Variants in PEX5L observed in about 807,000 individuals in gnomAD.
PEX5L encodes PEX5-related protein.
PEX5L carries 30 observed loss-of-function variants against 84.0 expected under a neutral mutation model. The ratio of observed to expected loss-of-function variants is 0.36; its 90% CI spans 0.27 to 0.48. PEX5L has a LOEUF of 0.48. Among genes scored for constraint, PEX5L ranks in the 20% least tolerant of loss-of-function variants. The pLI, the probability that PEX5L is intolerant of heterozygous loss-of-function variation, is 0.99. For missense variants in PEX5L, 533 were observed against 754.6 expected, an observed-to-expected ratio of 0.71 and a Z score of 3.44; for synonymous variants, 270 against 283.1, an observed-to-expected ratio of 0.95 and a Z score of 0.46.
intron 4 of PEX5L, among the ~76,000 whole-genome samples, chr3:179,880,705 T>C (rs184435257): frequency 1.3e-5 from 2 of 152,378 alleles, no homozygotes; most frequent in Non-Finnish European, 2.9e-5. Flanking sequence ...CTGTTTAGTA[T>C]GCAAATTTGA....
rs1034995851 is a variant in PEX5L, at chr3:179,821,227, C to G, written c.823-1251G>C. On this transcript the variant is annotated intron_variant, in intron 8 of 14. Coordinates refer to ENST00000467460, the MANE Select transcript of PEX5L (RefSeq NM_016559.3). ...CCTGCTAAGAGAGACACTTGGAAAC[C>G]ACTTTATTTTCTTTAAACAAACAAA... Among the ~76,000 whole-genome samples the G allele has an allele frequency of 2.0e-5, 3 of 152,184 alleles. No homozygotes were observed. In the East Asian group the frequency reaches 5.8e-4, roughly 29 times the overall value.
chr3:179,970,781 C>T (rs1024128584), intron 2 of PEX5L, among the ~76,000 whole-genome samples: 1 of 152,120 alleles, frequency 6.6e-6, no homozygotes, highest in South Asian at 2.1e-4. Flanking sequence ...TTACTGACTG[C>T]TTTCTCTCTA....
intron 2 of PEX5L, among the ~76,000 whole-genome samples, chr3:179,916,414 A>G (rs993750965): frequency 6.6e-6 from 1 of 152,184 alleles, no homozygotes; most frequent in African/African-American, 2.4e-5. Flanking sequence ...TGTAGAGTAA[A>G]AATATAATAT....
intron 8 of PEX5L, among the ~76,000 whole-genome samples, chr3:179,834,290 C>A (rs985525506): frequency 2.6e-5 from 4 of 152,240 alleles, no homozygotes; most frequent in African/African-American, 7.2e-5. Flanking sequence ...CCGCCTGGAG[C>A]CATCTTGAAT....
intron 2 of PEX5L, among the ~76,000 whole-genome samples, chr3:179,959,393 T>C (rs1444419578): frequency 3.3e-5 from 5 of 152,198 alleles, no homozygotes; most frequent in Admixed American, 1.3e-4. Flanking sequence ...GCACGGGCAC[T>C]GTAACTGTCT....
At position 179,807,942 on chromosome 3, in the gene PEX5L, A is replaced by T. The variant is rs183463975; in HGVS notation, c.1519-111T>A. On this transcript the variant is annotated intron_variant, in intron 13 of 14. Coordinates refer to ENST00000467460, the MANE Select transcript of PEX5L (RefSeq NM_016559.3). ...ATGGCTAAAAATTTATGCAGTGCTCATGGATGGAGACCATGGCCAGGTGAA... is the reference window on the plus strand; with the variant it reads ...ATGGCTAAAAATTTATGCAGTGCTCTTGGATGGAGACCATGGCCAGGTGAA... 1.2e-5 allele frequency: 11 copies of T among 953,356 alleles called. No homozygotes were observed. The East Asian group carries it at 1.7e-4, about 15-fold the overall frequency. The allele number at this position is 953,356 out of a possible 1,614,324, so 59.1% of individuals were successfully genotyped here.
chr3:179,812,504 T>A (rs1724278470), intron 10 of PEX5L, among the ~76,000 whole-genome samples: 1 of 152,176 alleles, frequency 6.6e-6, no homozygotes, highest in South Asian at 2.1e-4. Context: ...TTTTACAAAA[T>A]CCTTGTAATT....
chr3:179,923,600 C>T (rs1002227923), intron 2 of PEX5L, among the ~76,000 whole-genome samples: 10 of 152,182 alleles, frequency 6.6e-5, no homozygotes, highest in African/African-American at 2.4e-4. Context: ...TGCATGCTAA[C>T]GTTTGAAAAT....
At chr3:179,971,727 C>A in intron 1 of PEX5L, 62 bp from the exon 2 acceptor site, 1 of 1,420,634 alleles carries the variant, frequency 7.0e-7, no homozygotes, top group Non-Finnish European at 9.4e-7. Context: ...CTTAATTCTA[C>A]TTAATATTTT....
At chr3:179,965,019 C>T (rs933826001) in intron 2 of PEX5L, among the ~76,000 whole-genome samples, 3 of 152,228 alleles carry the variant, frequency 2.0e-5, no homozygotes, top group East Asian at 3.8e-4. Context: ...AGATTTGTGA[C>T]TGTAAAGACC....
chr3:179,909,441 T>C (rs1280028806), intron 2 of PEX5L, among the ~76,000 whole-genome samples: 1 of 152,194 alleles, frequency 6.6e-6, no homozygotes, highest in African/African-American at 2.4e-5. Flanking sequence ...CAAGTTGAGA[T>C]GACTTAAGTC....
At chr3:179,904,946 G>C (rs1299418483) in intron 2 of PEX5L, among the ~76,000 whole-genome samples, 4 of 152,096 alleles carry the variant, frequency 2.6e-5, no homozygotes, top group African/African-American at 9.7e-5. Flanking sequence ...GGCTCTTCCT[G>C]CCCTAATAGC....
chr3:180,019,613 G>A (rs1790252846), intron 1 of PEX5L, among the ~76,000 whole-genome samples: 1 of 152,072 alleles, frequency 6.6e-6, no homozygotes, highest in Non-Finnish European at 1.5e-5. Context: ...TATACCAAAG[G>A]CAATTCACAA....
At chr3:179,816,076 A>C in intron 9 of PEX5L, 72 bp from the exon 10 acceptor site, 228 of 1,480,502 alleles carry the variant, frequency 1.5e-4, no homozygotes, top group Non-Finnish European at 1.9e-4. Flanking sequence ...ATAAGTTCTC[A>C]TTAAAAAGTC....
chr3:179,938,816 C>T (rs556153245), intron 2 of PEX5L, among the ~76,000 whole-genome samples: 29 of 152,164 alleles, frequency 1.9e-4, no homozygotes, highest in Admixed American at 4.6e-4. Flanking sequence ...GCTTTAAGAC[C>T]TGCAGCTGCT....
rs893140650 is a variant in PEX5L at position 179,795,391 on chromosome 3, A to G, written c.*6437T>C. On this transcript the variant is annotated 3_prime_UTR_variant, in exon 15 of 15. Coordinates refer to ENST00000467460, the MANE Select transcript of PEX5L (RefSeq NM_016559.3). ...CGCAAATTAGAAGCCAACTGAGTAA[A>G]TTAAACACATCAATATGATAAGAGG... 8.6e-5 allele frequency: 13 copies of G among 150,476 alleles called. No individual in the cohort carries two copies. The highest frequency in any genetic ancestry group is 2.4e-4 in the African/African-American group (10 of 41,114). The allele number at this position is 150,476 out of a possible 1,614,324, so 9.3% of individuals were successfully genotyped here.
At chr3:179,804,431 A>C (rs1259510589) in intron 14 of PEX5L, 2 of 152,240 alleles carry the variant, frequency 1.3e-5, no homozygotes, top group African/African-American at 4.8e-5. Flanking sequence ...GCAGGATGAA[A>C]TTTTCATCCA....
rs1355254000 is a variant in PEX5L at position 179,795,373 on chromosome 3, T to C, written c.*6455A>G. The C allele has an allele frequency of 2.6e-5, 4 of 152,062 alleles. No individual in the cohort carries two copies. The highest frequency in any genetic ancestry group is 5.9e-5 in the Non-Finnish European group (4 of 67,962). The allele number at this position is 152,062 out of a possible 1,614,324, so 9.4% of individuals were successfully genotyped here. A position where few individuals can be genotyped will look rare whatever the true frequency, so the allele number is the denominator to read the frequency against. On this transcript the variant is annotated 3_prime_UTR_variant, in exon 15 of 15. Transcript: ENST00000467460. ...ACTACCTTAATCTTGTTACGCAAATTAGAAGCCAACTGAGTAAATTAAACA... is the reference window on the plus strand; with the variant it reads ...ACTACCTTAATCTTGTTACGCAAATCAGAAGCCAACTGAGTAAATTAAACA...
At position 179,875,464 on chromosome 3, in the gene PEX5L, T is replaced by C; in HGVS notation, c.519A>G (p.Gln173=). 6.2e-7 allele frequency: 1 copy of C among 1,613,766 alleles called. No homozygotes were observed. Among genetic ancestry groups the C allele is most frequent in the Non-Finnish European group, 8.5e-7 (1 of 1,179,950 alleles). ...ACTTAACATCGTCCCATTTTTCCAGTTGTGTTTGAATGTCTAGTAAGTACA... is the reference window on the plus strand; with the variant it reads ...ACTTAACATCGTCCCATTTTTCCAGCTGTGTTTGAATGTCTAGTAAGTACA... ...TSSLDLDIQT[Q]LEKWDDVKFH... The change falls in exon 6 of 15, where the codon CAA becomes CAG. Residue 173 remains glutamine (Q), a synonymous_variant. Transcript: ENST00000467460.
Sources: allele counts gnomAD v4.1 joint callset (sites outside exome capture counted in the v4.1 genomes callset), GRCh38; gene constraint gnomAD v4.1.1; transcripts MANE v1.5; gene names NCBI Gene and HGNC (gene_info 2026-07-23, HGNC 2026-07-21).